The following PLCB4 variants were observed in gnomAD, a reference collection of about 807,000 sequenced individuals.
PLCB4 encodes the protein 1-phosphatidylinositol 4,5-bisphosphate phosphodiesterase beta-4.
In PLCB4, 77 loss-of-function variants were observed where a neutral mutation model predicts 178.8. The ratio of observed to expected loss-of-function variants is 0.43; its 90% CI spans 0.36 to 0.52. PLCB4 has a LOEUF of 0.52. PLCB4 is among the 20% of genes least tolerant of loss of function. PLCB4 has a pLI of 0.00. For synonymous variants in PLCB4, 496 were observed against 490.8 expected (o/e 1.01, Z -0.14); for missense variants, 1,024 against 1,453.4 (o/e 0.70, Z 4.80).
chr20:9,273,098 G>A (rs1201746744), intron 3 of PLCB4, among the ~76,000 whole-genome samples: 1 of 152,094 alleles, frequency 6.6e-6, no homozygotes, highest in Non-Finnish European at 1.5e-5. Context: ...AATAAACAAT[G>A]AGTTGAATGT....
chr20:9,230,938 G>C (rs754413166), intron 3 of PLCB4, among the ~76,000 whole-genome samples: 1 of 152,024 alleles, frequency 6.6e-6, no homozygotes. Flanking sequence ...TAGGAGACAA[G>C]GATTATTTGA....
At chr20:9,131,936 C>T (rs1350158269) in intron 2 of PLCB4, among the ~76,000 whole-genome samples, 3 of 152,114 alleles carry the variant, frequency 2.0e-5, no homozygotes, top group African/African-American at 4.8e-5. Flanking sequence ...TTGGCCACAT[C>T]GATAGAGACC....
intron 3 of PLCB4, among the ~76,000 whole-genome samples, chr20:9,234,938 A>C (rs1465590353): frequency 3.3e-5 from 5 of 152,206 alleles, no homozygotes. Flanking sequence ...TTTGGCCATC[A>C]GTTTTCTCCA....
At chr20:9,378,345 T>A (rs1302790105) in intron 12 of PLCB4, among the ~76,000 whole-genome samples, 2 of 152,200 alleles carry the variant, frequency 1.3e-5, no homozygotes, top group Admixed American at 1.3e-4. Context: ...AAGGACCTTT[T>A]TCATCCTTTA....
chr20:9,164,871 G>A (rs576720321), intron 2 of PLCB4, among the ~76,000 whole-genome samples: 1 of 152,152 alleles, frequency 6.6e-6, no homozygotes, highest in Non-Finnish European at 1.5e-5. Flanking sequence ...TGATGGAAAC[G>A]TTTGAGGTAG....
At position 9,423,013 on chromosome 20, in the gene PLCB4, C is replaced by T. The variant is rs1223693894; in HGVS notation, c.2320-735C>T. The stretch of plus-strand genomic sequence containing the variant: ...TTCCTGATTAAACACATTGGATACC[C>T]TTTTTGTAATGTTGCTATTTTGTAA... On this transcript the variant is annotated intron_variant, in intron 27 of 39. Coordinates refer to ENST00000378473, the MANE Select transcript of PLCB4 (RefSeq NM_001377142.1). Among the ~76,000 whole-genome samples, 12 of 152,292 alleles carry T rather than the reference C, an allele frequency of 7.9e-5. No individual in the cohort carries two copies. In the East Asian group the frequency reaches 1.9e-3, roughly 24 times the overall value.
At chr20:9,151,544 C>T (rs1319735479) in intron 2 of PLCB4, among the ~76,000 whole-genome samples, 1 of 152,164 alleles carries the variant, frequency 6.6e-6, no homozygotes, top group African/African-American at 2.4e-5. Flanking sequence ...ACTTTTGCTT[C>T]TTCCTCATTT....
chr20:9,239,317 A>G (rs1193695627), intron 3 of PLCB4, among the ~76,000 whole-genome samples: 2 of 152,178 alleles, frequency 1.3e-5, no homozygotes, highest in Non-Finnish European at 2.9e-5. Context: ...ATCTTACATC[A>G]TGATAGCTTT....
chr20:9,352,579 C>T (rs909341795), intron 7 of PLCB4, among the ~76,000 whole-genome samples: 2 of 152,158 alleles, frequency 1.3e-5, no homozygotes, highest in Admixed American at 6.5e-5. Context: ...ACCTAACTGG[C>T]CAGTGTTGTC....
chr20:9,164,783 C>T (rs536957249), intron 2 of PLCB4, among the ~76,000 whole-genome samples: 51 of 152,172 alleles, frequency 3.4e-4, no homozygotes, highest in African/African-American at 1.0e-3. Context: ...ACTGTCTTTT[C>T]AATATAAATA....
Position 9,338,180 on chromosome 20 carries a change from T to C in PLCB4, c.225+113T>C, listed in dbSNP as rs1601934386. 4 of 710,840 alleles carry C rather than the reference T, an allele frequency of 5.6e-6. No individual in the cohort carries two copies. The African/African-American group carries it at 7.1e-5, about 13-fold the overall frequency. The allele number at this position is 710,840 out of a possible 1,614,324, so 44.0% of individuals were successfully genotyped here. On this transcript the variant is annotated intron_variant, in intron 6 of 39. Coordinates refer to ENST00000378473, the MANE Select transcript of PLCB4 (RefSeq NM_001377142.1). ...TTGTATCCAGGCTACTTAAAACATT[T>C]GATCTCAGTTTTGAGAATAGCATGT...
At chr20:9,399,768 C>T (rs1269322198) in intron 19 of PLCB4, among the ~76,000 whole-genome samples, 1 of 152,172 alleles carries the variant, frequency 6.6e-6, no homozygotes, top group African/African-American at 2.4e-5. Context: ...AAGTGGTTTA[C>T]ATCTGTATTG....
chr20:9,415,636 C>G (rs2040188796), intron 25 of PLCB4, among the ~76,000 whole-genome samples: 1 of 152,234 alleles, frequency 6.6e-6, no homozygotes, highest in African/African-American at 2.4e-5. Flanking sequence ...TGTGCCTGTG[C>G]CTACCGCACA....
intron 24 of PLCB4, 142 bp downstream of exon 24, chr20:9,409,323 T>C: frequency 5.7e-6 from 3 of 525,288 alleles, no homozygotes; most frequent in Non-Finnish European, 3.1e-6. Flanking sequence ...ATTTATATAA[T>C]GGTGAGAAAT....
At chr20:9,222,145 C>T (rs1463087087) in intron 3 of PLCB4, among the ~76,000 whole-genome samples, 8 of 149,918 alleles carry the variant, frequency 5.3e-5, no homozygotes, top group Non-Finnish European at 1.2e-4. Context: ...GGCTGGAGTG[C>T]AGTGGCTTGA....
intron 2 of PLCB4, among the ~76,000 whole-genome samples, chr20:9,208,019 C>T (rs112767486): frequency 0.038 from 5,860 of 152,292 alleles, 146 homozygotes; most frequent in Middle Eastern, 0.082. Context: ...GCAGGCCTCA[C>T]TCACCTCTTG....
chr20:9,423,737 T>A lies in PLCB4; in HGVS notation c.2320-11T>A, dbSNP rs1449129370. 4 of 1,610,838 alleles carry A rather than the reference T, an allele frequency of 2.5e-6. No individual in the cohort carries two copies. Among genetic ancestry groups the A allele is most frequent in the Non-Finnish European group, 3.4e-6 (4 of 1,177,502 alleles). On this transcript the variant is annotated splice_polypyrimidine_tract_variant and intron_variant, in intron 27 of 39. Transcript: ENST00000378473. Reference sequence around the variant, plus strand: ...TTGGAAAAATCAGTGAAAGTCCTGTTCTGTTTGCAGGTGATCCTGCCGGAC... The same window carrying A: ...TTGGAAAAATCAGTGAAAGTCCTGTACTGTTTGCAGGTGATCCTGCCGGAC...
At chr20:9,394,331 T>G (rs1007806371) in intron 18 of PLCB4, among the ~76,000 whole-genome samples, 1 of 151,964 alleles carries the variant, frequency 6.6e-6, no homozygotes, top group Non-Finnish European at 1.5e-5. Flanking sequence ...CATAGAAAAA[T>G]CAAGACAATG....
chr20:9,232,753 G>A (rs2093947156), intron 3 of PLCB4, among the ~76,000 whole-genome samples: 1 of 152,076 alleles, frequency 6.6e-6, no homozygotes, highest in African/African-American at 2.4e-5. Flanking sequence ...AAACTGAGTG[G>A]TACAAGTGGG....
Sources: gnomAD v4.1 joint callset for allele counts (sites outside exome capture counted in the v4.1 genomes callset) on GRCh38, gnomAD v4.1.1 for gene constraint, MANE v1.5 for transcripts, NCBI Gene and HGNC (gene_info 2026-07-23, HGNC 2026-07-21) for gene names.